CALD1: variants seen among roughly 807,000 people sequenced by gnomAD.
CALD1 encodes the protein caldesmon.
A neutral mutation model predicts 99.9 loss-of-function variants in CALD1; 33 were observed. The observed-to-expected ratio is 0.33, with a 90% CI of 0.25 to 0.44. The LOEUF (loss-of-function observed/expected upper bound fraction) is 0.44, where lower values mean the gene tolerates loss of function less well. Ranked by LOEUF, CALD1 falls within the 20% of genes least tolerant of loss-of-function variation. The pLI is 1.00. For missense variants in CALD1, 861 were observed against 962.1 expected, an observed-to-expected ratio of 0.89 and a Z score of 1.39; for synonymous variants, 310 against 325.0, an observed-to-expected ratio of 0.95 and a Z score of 0.50.
chr7:134,812,953 C>T (rs879669755), intron 1 of CALD1, among the ~76,000 whole-genome samples: 5 of 152,020 alleles, frequency 3.3e-5, no homozygotes, highest in Non-Finnish European at 7.4e-5. Context: ...AGAGTAAAGA[C>T]CAGCAAAGGA....
upstream of CALD1, among the ~76,000 whole-genome samples, chr7:134,777,375 T>C (rs148678241): frequency 2.6e-5 from 4 of 152,224 alleles, no homozygotes; most frequent in Non-Finnish European, 5.9e-5. Flanking sequence ...AATTTATCTA[T>C]GGAAACATAC....
At chr7:134,941,378 G>A in intron 7 of CALD1, 141 bp downstream of exon 7, 2 of 640,888 alleles carry the variant, frequency 3.1e-6, no homozygotes, top group Non-Finnish European at 5.3e-6. Flanking sequence ...ATTAGCCATT[G>A]TCTTAGAGAT....
At position 134,962,865 on chromosome 7, in the gene CALD1, C is replaced by T. The variant is rs1808383784; in HGVS notation, c.2295+2237C>T. 8.8e-6 allele frequency: 4 copies of T among 456,452 alleles called. No individual in the cohort carries two copies. The Admixed American group carries it at 9.4e-5, about 11-fold the overall frequency. 28.3% of individuals were successfully genotyped at this position (456,452 alleles called of 1,614,324 possible). ...CTTTGGTCTCTGGTTGATTGGAAAC[C>T]TGCTTCTCCTGCCTTCATTTCTCCC... On this transcript the variant is annotated intron_variant, in intron 13 of 14. Coordinates refer to ENST00000361675, the MANE Select transcript of CALD1 (RefSeq NM_033138.4).
intron 1 of CALD1, among the ~76,000 whole-genome samples, chr7:134,801,320 A>G (rs1797932524): frequency 6.6e-6 from 1 of 152,102 alleles, no homozygotes; most frequent in East Asian, 1.9e-4. Context: ...AACCTTGACA[A>G]ATTCATTTTT....
chr7:134,907,318 G>T (rs1307327938), intron 3 of CALD1, among the ~76,000 whole-genome samples: 1 of 152,038 alleles, frequency 6.6e-6, no homozygotes, highest in Non-Finnish European at 1.5e-5. Context: ...GGAAGAAGGT[G>T]ATAAGAACTA....
At chr7:134,913,418 T>G (rs1803968222) in intron 3 of CALD1, among the ~76,000 whole-genome samples, 1 of 152,264 alleles carries the variant, frequency 6.6e-6, no homozygotes, top group South Asian at 2.1e-4. Context: ...ATTAATAGAT[T>G]AAATTTAACA....
intron 8 of CALD1, 76 bp from the exon 9 acceptor site, chr7:134,950,298 T>A (rs1807235348): frequency 6.9e-7 from 1 of 1,453,340 alleles, no homozygotes; most frequent in Non-Finnish European, 9.5e-7. Context: ...CCAACTGTGC[T>A]CTCTCTCCTA....
chr7:134,960,675 T>C, intron 13 of CALD1, 47 bp downstream of exon 13: 2 of 1,205,236 alleles, frequency 1.7e-6, no homozygotes, highest in Non-Finnish European at 2.5e-6. Flanking sequence ...TCCCAGCTTC[T>C]ACCAGCAGAA....
chr7:134,750,007 T>C (rs1411625400), intron 1 of CALD1, among the ~76,000 whole-genome samples: 1 of 152,080 alleles, frequency 6.6e-6, no homozygotes, highest in African/African-American at 2.4e-5. Context: ...TGGGCTGGTG[T>C]TGGTGTCTCT....
chr7:134,744,755 C>T (rs1796620674), intron 1 of CALD1, among the ~76,000 whole-genome samples: 1 of 152,070 alleles, frequency 6.6e-6, no homozygotes, highest in African/African-American at 2.4e-5. Context: ...TTAGCTACAC[C>T]CTTTGTTTCT....
At chr7:134,881,727 GA>G (rs1476396955) in intron 3 of CALD1, among the ~76,000 whole-genome samples, 1 of 152,140 alleles carries the variant, frequency 6.6e-6, no homozygotes, top group Non-Finnish European at 1.5e-5. Flanking sequence ...TAGTCTTTCA[GA>G]AATCAGATGC....
chr7:134,760,516 T>C (rs763278852), intron 1 of CALD1, among the ~76,000 whole-genome samples: 2 of 152,238 alleles, frequency 1.3e-5, no homozygotes, highest in Non-Finnish European at 2.9e-5. Context: ...TGACTGAAGT[T>C]TTTCCTATTA....
intron 6 of CALD1, among the ~76,000 whole-genome samples, chr7:134,937,635 A>T (rs1304181052): frequency 5.0e-5 from 7 of 141,270 alleles, no homozygotes; most frequent in African/African-American, 1.9e-4. Context: ...TCCTTTTTGT[A>T]CAAAAAAAAA....
chr7:134,807,360 T>C (rs1798183165), intron 1 of CALD1, among the ~76,000 whole-genome samples: 1 of 152,168 alleles, frequency 6.6e-6, no homozygotes. Context: ...GATTTCTATT[T>C]TTCCCTATCA....
chr7:134,954,426 T>G (rs539599574), intron 9 of CALD1, among the ~76,000 whole-genome samples: 5 of 152,360 alleles, frequency 3.3e-5, no homozygotes, highest in African/African-American at 9.6e-5. Context: ...CCAATTTCCC[T>G]TGTTAAATTC....
intron 1 of CALD1, among the ~76,000 whole-genome samples, chr7:134,801,432 T>C (rs1200061902): frequency 6.6e-6 from 1 of 152,236 alleles, no homozygotes; most frequent in Non-Finnish European, 1.5e-5. Flanking sequence ...TGGGTTCAAA[T>C]TCCTATTTGC....
chr7:134,950,306 C>G, intron 8 of CALD1, 68 bp from the exon 9 acceptor site: 1 of 1,525,298 alleles, frequency 6.6e-7, no homozygotes, highest in Non-Finnish European at 9.0e-7. Flanking sequence ...GCTCTCTCTC[C>G]TACAGCACTC....
chr7:134,756,302 A>G (rs529965035), intron 1 of CALD1, among the ~76,000 whole-genome samples: 1 of 149,496 alleles, frequency 6.7e-6, no homozygotes, highest in East Asian at 2.0e-4. Flanking sequence ...CTAAAAATTA[A>G]AAAAAACCTA....
chr7:134,825,632 G>A (rs1032793989), intron 1 of CALD1, among the ~76,000 whole-genome samples: 5 of 152,002 alleles, frequency 3.3e-5, no homozygotes, highest in Non-Finnish European at 7.4e-5. Flanking sequence ...TTGTTGGTTG[G>A]TATAATCTGC....
Sources: allele counts gnomAD v4.1 joint callset (sites outside exome capture counted in the v4.1 genomes callset), GRCh38; gene constraint gnomAD v4.1.1; transcripts MANE v1.5; gene names NCBI Gene and HGNC (gene_info 2026-07-23, HGNC 2026-07-21).